ARL15: variants seen among roughly 807,000 people sequenced by gnomAD.
ARL15 encodes the protein ARF like GTPase 15.
ARL15 carries 19 observed loss-of-function variants against 25.2 expected under a neutral mutation model. The ratio of observed to expected loss-of-function variants is 0.75; its 90% CI spans 0.53 to 1.10. ARL15 has a LOEUF of 1.10. ARL15 is among the 50% of genes least tolerant of loss of function. ARL15 has a pLI of 0.00. For synonymous variants in ARL15, 94 were observed against 86.8 expected, an observed-to-expected ratio of 1.08 and a Z score of -0.46; for missense variants, 220 against 246.0, an observed-to-expected ratio of 0.89 and a Z score of 0.71.
intron 1 of ARL15, among the ~76,000 whole-genome samples, chr5:54,172,544 G>T (rs1754750976): frequency 6.6e-6 from 1 of 152,072 alleles, no homozygotes. Context: ...CTGTGGTTAT[G>T]TAAGAAAAAT....
chr5:53,983,823 A>G (rs1748203276), intron 4 of ARL15, among the ~76,000 whole-genome samples: 2 of 152,148 alleles, frequency 1.3e-5, no homozygotes, highest in Admixed American at 6.5e-5. Context: ...ATTCCCAACA[A>G]TAAAACTTCT....
At chr5:54,170,889 G>A (rs1754694759) in intron 2 of ARL15, among the ~76,000 whole-genome samples, 1 of 152,120 alleles carries the variant, frequency 6.6e-6, no homozygotes, top group Non-Finnish European at 1.5e-5. Flanking sequence ...AAAATAAGCT[G>A]GCTGATGAAC....
chr5:53,995,386 T>C lies in ARL15; in HGVS notation c.463-108673A>G, dbSNP rs116278585. 5.2e-3 allele frequency among the ~76,000 whole-genome samples: 778 copies of C among 150,048 alleles called. 3 individuals carry two copies. Among genetic ancestry groups the C allele is most frequent in the Admixed American group, 0.011 (162 of 14,944 alleles). ...GCAGTTGCATTTAATTCAAATAATA[T>C]TTTATAAACATTTGTCTACATTAGG... On this transcript the variant is annotated intron_variant, in intron 4 of 4. Coordinates refer to ENST00000504924, the MANE Select transcript of ARL15 (RefSeq NM_019087.3).
chr5:54,208,889 C>A (rs1027878869), intron 1 of ARL15, among the ~76,000 whole-genome samples: 1 of 152,014 alleles, frequency 6.6e-6, no homozygotes, highest in East Asian at 1.9e-4. Context: ...GAGAATGTCA[C>A]CAAGAAGATG....
At chr5:54,059,545 G>C (rs943628722) in intron 4 of ARL15, among the ~76,000 whole-genome samples, 8 of 152,200 alleles carry the variant, frequency 5.3e-5, no homozygotes, top group African/African-American at 1.9e-4. Flanking sequence ...AAAAACCACA[G>C]AGACAGAAAA....
intron 3 of ARL15, among the ~76,000 whole-genome samples, chr5:54,134,926 C>T (rs2112289868): frequency 6.6e-6 from 1 of 151,878 alleles, no homozygotes; most frequent in East Asian, 1.9e-4. Flanking sequence ...TAGCAGGGAG[C>T]CTGAGATTAG....
chr5:54,108,341 C>A (rs1752646868), intron 4 of ARL15, among the ~76,000 whole-genome samples: 1 of 152,080 alleles, frequency 6.6e-6, no homozygotes, highest in Non-Finnish European at 1.5e-5. Context: ...AAGTATACGT[C>A]CCATAGGGGA....
At chr5:54,277,003 T>A (rs1757944859) in intron 1 of ARL15, among the ~76,000 whole-genome samples, 1 of 152,218 alleles carries the variant, frequency 6.6e-6, no homozygotes, top group Non-Finnish European at 1.5e-5. Context: ...TATGTTGTTT[T>A]AAGCCACAAA....
intron 1 of ARL15, among the ~76,000 whole-genome samples, chr5:54,220,557 T>C (rs1226850362): frequency 1.3e-5 from 2 of 152,138 alleles, no homozygotes; most frequent in Admixed American, 6.5e-5. Context: ...AACATTCTTC[T>C]TGCTTGATTT....
At position 54,296,135 on chromosome 5, in the gene ARL15, G is replaced by A. The variant is rs117880669; in HGVS notation, c.48+14297C>T. Among the ~76,000 whole-genome samples, 8 of 152,300 alleles carry A rather than the reference G, an allele frequency of 5.3e-5. No homozygotes were observed. In the East Asian group the frequency reaches 1.5e-3, roughly 29 times the overall value. On this transcript the variant is annotated intron_variant, in intron 1 of 4. Transcript: ENST00000504924. The stretch of plus-strand genomic sequence containing the variant: ...TAGCTGCCACTTAAAACACCAGCAA[G>A]CAGTTGAAGTGTCTTTAACCCAGTT...
intron 4 of ARL15, among the ~76,000 whole-genome samples, chr5:54,001,653 G>A (rs1197238797): frequency 6.6e-6 from 1 of 151,874 alleles, no homozygotes; most frequent in African/African-American, 2.4e-5. Flanking sequence ...AGCATTTTTT[G>A]AAAGTTTACT....
At chr5:54,221,825 GCACACACACACACACACACACA>G (rs3035310) in intron 1 of ARL15, among the ~76,000 whole-genome samples, 1 of 142,020 alleles carries the variant, frequency 7.0e-6, no homozygotes, top group Non-Finnish European at 1.5e-5. Flanking sequence ...CAAGAAACAT[GCACACACACACACACACACACA>G]CACACACACA....
In ARL15 at chr5:54,035,174, C is replaced by T. The variant is rs115348816; in HGVS notation, c.462+78028G>A. On this transcript the variant is annotated intron_variant, in intron 4 of 4. Coordinates refer to ENST00000504924, the MANE Select transcript of ARL15 (RefSeq NM_019087.3). ...TTCAGAGACATACTGAATCATATTC[C>T]TCAGTTATCAGCAAGTGCTTTTGAT... Among the ~76,000 whole-genome samples, 928 of 152,006 alleles carry T rather than the reference C, an allele frequency of 6.1e-3. 11 individuals carry two copies. Among genetic ancestry groups the T allele is most frequent in the African/African-American group, 0.022 (897 of 41,484 alleles).
chr5:54,080,291 C>T (rs1751754190), intron 4 of ARL15, among the ~76,000 whole-genome samples: 2 of 152,154 alleles, frequency 1.3e-5, no homozygotes, highest in African/African-American at 2.4e-5. Flanking sequence ...GGATTAGAGA[C>T]AGAAACAAAA....
chr5:53,944,358 C>G (rs115123109), intron 4 of ARL15, among the ~76,000 whole-genome samples: 3,634 of 152,190 alleles, frequency 0.024, 64 homozygotes, highest in Non-Finnish European at 0.036. Context: ...CACCTGTAAT[C>G]CCAGCACTTT....
chr5:54,074,871 T>C (rs1272135194), intron 4 of ARL15, among the ~76,000 whole-genome samples: 3 of 151,706 alleles, frequency 2.0e-5, no homozygotes, highest in Non-Finnish European at 4.4e-5. Flanking sequence ...AATGAGTCCA[T>C]TTGCCCATAT....
At chr5:54,249,534 A>T (rs1434939917) in intron 1 of ARL15, among the ~76,000 whole-genome samples, 1 of 152,168 alleles carries the variant, frequency 6.6e-6, no homozygotes, top group African/African-American at 2.4e-5. Flanking sequence ...ATAAGGAAGG[A>T]GAGAGATAGG....
chr5:53,917,889 C>A (rs1745708294), intron 4 of ARL15, among the ~76,000 whole-genome samples: 1 of 152,134 alleles, frequency 6.6e-6, no homozygotes, highest in African/African-American at 2.4e-5. Flanking sequence ...AAGCTGCATT[C>A]CTTAAAACGC....
At chr5:54,111,969 T>C (rs537232619) in intron 4 of ARL15, among the ~76,000 whole-genome samples, 2 of 152,242 alleles carry the variant, frequency 1.3e-5, no homozygotes, top group African/African-American at 4.8e-5. Context: ...TCTGAATAGA[T>C]TTTTATTGCT....
Sources: gnomAD v4.1 joint callset for allele counts (sites outside exome capture counted in the v4.1 genomes callset) on GRCh38, gnomAD v4.1.1 for gene constraint, MANE v1.5 for transcripts, NCBI Gene and HGNC (gene_info 2026-07-23, HGNC 2026-07-21) for gene names.